PTPN21: variants seen among roughly 807,000 people sequenced by gnomAD.
PTPN21 encodes tyrosine-protein phosphatase non-receptor type 21.
In PTPN21, 77 loss-of-function variants were observed where a neutral mutation model predicts 131.8. The observed-to-expected ratio is 0.58, with a 90% CI of 0.49 to 0.71. The LOEUF (loss-of-function observed/expected upper bound fraction) is 0.71. Among genes scored for constraint, PTPN21 ranks in the 30% least tolerant of loss-of-function variants. The pLI, the probability that PTPN21 is intolerant of heterozygous loss-of-function variation, is 0.00. For synonymous variants in PTPN21, 715 were observed against 621.3 expected, an observed-to-expected ratio of 1.15 and a Z score of -2.24; for missense variants, 1,552 against 1,527.1, an observed-to-expected ratio of 1.02 and a Z score of -0.27.
chr14:88,476,644 C>G (rs927212284), intron 13 of PTPN21, among the ~76,000 whole-genome samples: 1 of 152,180 alleles, frequency 6.6e-6, no homozygotes, highest in African/African-American at 2.4e-5. Context: ...GATGTGGAAG[C>G]TGAGGTTCTG....
In PTPN21 at chr14:88,517,212, C is replaced by G; in HGVS notation, c.230G>C (p.Trp77Ser). The change falls in exon 3 of 19, where the codon TGG becomes TCG. Residue 77 changes from tryptophan (W) to serine (S), a missense_variant. By Grantham distance (177) the Trp-to-Ser change is radical. Transcript: ENST00000556564. ...WYYNKQNQRRWVDLEKPLKKQ... is the reference protein window; with the variant it reads ...WYYNKQNQRRSVDLEKPLKKQ... ...CTTCAAAGGTTTTTCCAAATCTACC[C>G]ACCGGCGCTGATTTTGCTTGTTGTA... is the stretch of plus-strand genomic sequence containing the variant. The G allele has an allele frequency of 6.2e-7, 1 of 1,614,070 alleles. No individual in the cohort carries two copies. The highest frequency in any genetic ancestry group is 8.5e-7 in the Non-Finnish European group (1 of 1,179,960).
intron 1 of PTPN21, chr14:88,552,271 G>C (rs190568992): frequency 1.3e-5 from 2 of 152,360 alleles, no homozygotes; most frequent in East Asian, 1.9e-4. Flanking sequence ...GGCACTTAGG[G>C]TTAGGGAATG....
chr14:88,473,739 C>T lies in PTPN21; in HGVS notation c.2575G>A (p.Gly859Arg). ...AGAGGCACTCGAGATAGGGAGAGTCCATTTAGGGCAGCCAGTTTAAGAGGA... is the reference window on the plus strand; with the variant it reads ...AGAGGCACTCGAGATAGGGAGAGTCTATTTAGGGCAGCCAGTTTAAGAGGA... ...IGPLKLAALN[G>R]LSLSRVPLPD... The change falls in exon 14 of 19, where the codon GGA becomes AGA. Residue 859 changes from glycine (G) to arginine (R), a missense_variant. Gly to Arg is a moderately radical substitution (Grantham distance 125, BLOSUM62 -2). Coordinates refer to ENST00000556564, the MANE Select transcript of PTPN21 (RefSeq NM_007039.4). The T allele has an allele frequency of 6.2e-7, 1 of 1,610,804 alleles. No homozygotes were observed. The highest frequency in any genetic ancestry group is 2.2e-5 in the East Asian group (1 of 44,824).
rs137858098 is a variant in PTPN21, at chr14:88,480,105, G to A, written c.1326C>T (p.Pro442=). Residue 442 remains proline, a synonymous_variant, in exon 13 of 19, where the codon CCC becomes CCT. Coordinates refer to ENST00000556564, the MANE Select transcript of PTPN21 (RefSeq NM_007039.4). ...AGTCTGGGGTGGGGCGGTAGGACGG[G>A]GGTATCACGGCGCTGTGCCGATGGG... ...LPSHRHSAVI[P]PSYRPTPDYE... The A allele has an allele frequency of 6.0e-4, 966 of 1,614,202 alleles. 4 individuals are homozygous for A. Among genetic ancestry groups the A allele is most frequent in the Middle Eastern group, 9.9e-4 (6 of 6,062 alleles).
intron 10 of PTPN21, among the ~76,000 whole-genome samples, chr14:88,489,815 CA>C (rs1172813992): frequency 1.4e-5 from 2 of 141,718 alleles, no homozygotes; most frequent in African/African-American, 5.1e-5. Flanking sequence ...AAGCTGCTTA[CA>C]GGTCACTGAC....
At chr14:88,530,602 T>C (rs2078543012) in intron 2 of PTPN21, among the ~76,000 whole-genome samples, 2 of 151,886 alleles carry the variant, frequency 1.3e-5, no homozygotes, top group Admixed American at 6.6e-5. Context: ...AGATATTCCA[T>C]GTAAATGGAA....
intron 2 of PTPN21, among the ~76,000 whole-genome samples, chr14:88,533,232 G>C (rs971926575): frequency 6.6e-6 from 1 of 152,148 alleles, no homozygotes; most frequent in Non-Finnish European, 1.5e-5. Context: ...GGTACCTGCT[G>C]TTATTTGTTT....
intron 8 of PTPN21, among the ~76,000 whole-genome samples, 178 bp downstream of exon 8, chr14:88,500,605 G>A (rs752099616): frequency 2.0e-5 from 3 of 152,070 alleles, no homozygotes; most frequent in East Asian, 1.9e-4. Context: ...TGAAGAAAGC[G>A]GCTTATTGAA....
At chr14:88,508,174 G>C (rs1265621188) in intron 3 of PTPN21, among the ~76,000 whole-genome samples, 154 bp from the exon 4 acceptor site, 1 of 149,476 alleles carries the variant, frequency 6.7e-6, no homozygotes, top group Non-Finnish European at 1.5e-5. Context: ...TTTTAGATAG[G>C]GTCTCCCTTT....
chr14:88,504,061 C>A, intron 6 of PTPN21: 1 of 192,170 alleles, frequency 5.2e-6, no homozygotes, highest in Non-Finnish European at 1.1e-5. Context: ...TAAAAGAAAA[C>A]AAATCATCCT....
In PTPN21 at chr14:88,466,743, C is replaced by A. The variant is rs1016768837; in HGVS notation, c.*1394G>T. 1 of 131,298 alleles carries A rather than the reference C, an allele frequency of 7.6e-6. No individual in the cohort carries two copies. Among genetic ancestry groups the A allele is most frequent in the Non-Finnish European group, 1.6e-5 (1 of 61,774 alleles). 8.1% of individuals were successfully genotyped at this position (131,298 alleles called of 1,614,324 possible). A position where few individuals can be genotyped will look rare whatever the true frequency, so the allele number is the denominator to read the frequency against. On this transcript the variant is annotated 3_prime_UTR_variant, in exon 19 of 19. Coordinates refer to ENST00000556564, the MANE Select transcript of PTPN21 (RefSeq NM_007039.4). ...CCTAAATGGGATGGGTGAGGGGGCA[C>A]TAAACAGCTAACACTGGCCAGGGAA...
chr14:88,499,718 A>T (rs1029860057), intron 8 of PTPN21, among the ~76,000 whole-genome samples: 2 of 152,230 alleles, frequency 1.3e-5, no homozygotes, highest in Non-Finnish European at 2.9e-5. Flanking sequence ...GGTAGACACA[A>T]AGGAACCAAA....
At chr14:88,471,974 T>C (rs1434096530) in intron 15 of PTPN21, among the ~76,000 whole-genome samples, 2 of 151,474 alleles carry the variant, frequency 1.3e-5, no homozygotes, top group African/African-American at 4.8e-5. Flanking sequence ...GGTAACAGTG[T>C]TGGGGGCAGA....
chr14:88,549,830 T>C lies in PTPN21; in HGVS notation c.180+408A>G, dbSNP rs531472549. Among the ~76,000 whole-genome samples, 4 of 151,268 alleles carry C rather than the reference T, an allele frequency of 2.6e-5. No individual in the cohort carries two copies. The South Asian group carries it at 8.4e-4, about 32-fold the overall frequency. On this transcript the variant is annotated intron_variant, in intron 2 of 18. Coordinates refer to ENST00000556564, the MANE Select transcript of PTPN21 (RefSeq NM_007039.4). ...CAGGCTGGAGTGCAGTGGAGCGATC[T>C]CGGCTCACTGCAGCCTCTGCCTCCC...
intron 2 of PTPN21, among the ~76,000 whole-genome samples, chr14:88,523,773 G>A (rs1049341971): frequency 6.7e-6 from 1 of 148,788 alleles, no homozygotes; most frequent in Non-Finnish European, 1.5e-5. Flanking sequence ...CCTACTCGAG[G>A]TAATACATTC....
At chr14:88,485,670 T>A in intron 11 of PTPN21, 112 bp downstream of exon 11, 6 of 699,716 alleles carry the variant, frequency 8.6e-6, no homozygotes, top group Non-Finnish European at 1.4e-5. Context: ...AATGATGAAA[T>A]ATCAATACAC....
rs1429046226 is a variant in PTPN21 at position 88,467,734 on chromosome 14, T to A, written c.*403A>T. 5.6e-6 allele frequency: 1 copy of A among 177,142 alleles called. No individual in the cohort carries two copies. The highest frequency in any genetic ancestry group is 2.4e-5 in the African/African-American group (1 of 41,610). 11.0% of individuals were successfully genotyped at this position (177,142 alleles called of 1,614,324 possible). On this transcript the variant is annotated 3_prime_UTR_variant, in exon 19 of 19. Coordinates refer to ENST00000556564, the MANE Select transcript of PTPN21 (RefSeq NM_007039.4). ...TCTCACTAGAAAAATCCCTAAATAT[T>A]TGTCATAAAATAAAAACTCCATTAT...
At chr14:88,539,838 T>G (rs1226395851) in intron 2 of PTPN21, among the ~76,000 whole-genome samples, 2 of 152,248 alleles carry the variant, frequency 1.3e-5, no homozygotes, top group Non-Finnish European at 2.9e-5. Flanking sequence ...TAAACATGCT[T>G]CATTTTTCTG....
intron 7 of PTPN21, 143 bp downstream of exon 7, chr14:88,501,138 G>A: frequency 1.3e-6 from 1 of 786,234 alleles, no homozygotes; most frequent in East Asian, 2.5e-5. Flanking sequence ...CAAAACTTTG[G>A]TCACCAGGAC....
Sources: allele counts gnomAD v4.1 joint callset (sites outside exome capture counted in the v4.1 genomes callset), GRCh38; gene constraint gnomAD v4.1.1; transcripts MANE v1.5; gene names NCBI Gene and HGNC (gene_info 2026-07-23, HGNC 2026-07-21).